PSKH1: variants seen among roughly 807,000 people sequenced by gnomAD.
PSKH1 encodes serine/threonine-protein kinase H1.
A neutral mutation model predicts 26.7 loss-of-function variants in PSKH1; 12 were observed. The ratio of observed to expected loss-of-function variants is 0.45; its 90% CI spans 0.29 to 0.73. The LOEUF (loss-of-function observed/expected upper bound fraction) is 0.73. Ranked by LOEUF, PSKH1 falls within the 30% of genes least tolerant of loss-of-function variation. PSKH1 has a pLI of 0.11. For synonymous variants in PSKH1, 213 were observed against 234.3 expected (o/e 0.91, Z 0.83); for missense variants, 431 against 595.2 (o/e 0.72, Z 2.87).
chr16:67,920,740 T>G (rs969189772), intron 2 of PSKH1, among the ~76,000 whole-genome samples: 4 of 152,228 alleles, frequency 2.6e-5, no homozygotes, highest in African/African-American at 9.6e-5. Context: ...AAGGTTACCC[T>G]TCTCCATCGT....
chr16:67,896,957 C>A (rs1210025241), intron 1 of PSKH1, among the ~76,000 whole-genome samples: 2 of 152,170 alleles, frequency 1.3e-5, no homozygotes, highest in Non-Finnish European at 2.9e-5. Context: ...ATCATAATCA[C>A]AAGTTCATAG....
At chr16:67,916,503 C>T (rs1469230678) in intron 2 of PSKH1, among the ~76,000 whole-genome samples, 1 of 152,154 alleles carries the variant, frequency 6.6e-6, no homozygotes, top group African/African-American at 2.4e-5. Flanking sequence ...TTGCTGAGTG[C>T]TCCAGAATAA....
At chr16:67,913,851 C>A (rs2058179753) in intron 2 of PSKH1, among the ~76,000 whole-genome samples, 1 of 152,130 alleles carries the variant, frequency 6.6e-6, no homozygotes, top group Non-Finnish European at 1.5e-5. Flanking sequence ...TAAGAACATG[C>A]TTTAGGAGCA....
At chr16:67,901,139 C>T (rs1383442160) in intron 1 of PSKH1, among the ~76,000 whole-genome samples, 1 of 150,768 alleles carries the variant, frequency 6.6e-6, no homozygotes, top group Non-Finnish European at 1.5e-5. Flanking sequence ...TTTTTTTTTT[C>T]CCCTCTCTTG....
At chr16:67,894,643 C>T (rs990511698) in intron 1 of PSKH1, among the ~76,000 whole-genome samples, 1 of 152,176 alleles carries the variant, frequency 6.6e-6, no homozygotes, top group South Asian at 2.1e-4. Context: ...TTGAGTACAT[C>T]CTGTTGTGTC....
At chr16:67,907,732 G>A (rs2058160637) in intron 1 of PSKH1, among the ~76,000 whole-genome samples, 1 of 152,168 alleles carries the variant, frequency 6.6e-6, no homozygotes, top group Non-Finnish European at 1.5e-5. Flanking sequence ...CTGGAATAGG[G>A]AGTTAAACTG....
intron 1 of PSKH1, among the ~76,000 whole-genome samples, chr16:67,895,722 GAGAAAACTT>G (rs2058124637): frequency 1.3e-5 from 2 of 152,080 alleles, no homozygotes; most frequent in Admixed American, 1.3e-4. Context: ...TCTGTATTTT[GAGAAAACTT>G]CCCAGGTAAC....
intron 1 of PSKH1, among the ~76,000 whole-genome samples, chr16:67,898,397 C>T (rs2058132432): frequency 6.6e-6 from 1 of 151,706 alleles, no homozygotes. Context: ...AGAGTGAGAC[C>T]CTGTCTCAAA....
intron 2 of PSKH1, among the ~76,000 whole-genome samples, chr16:67,920,554 C>T (rs1260824265): frequency 6.6e-6 from 1 of 152,200 alleles, no homozygotes; most frequent in Non-Finnish European, 1.5e-5. Context: ...CCACTGTGCC[C>T]AGCCCTGACC....
At position 67,927,829 on chromosome 16, in the gene PSKH1, CAG is replaced by C. The variant is rs1378313222; in HGVS notation, c.*190_*191del. On this transcript the variant is annotated 3_prime_UTR_variant, in exon 3 of 3. Coordinates refer to ENST00000291041, the MANE Select transcript of PSKH1 (RefSeq NM_006742.3). The surrounding 1 kb of genome is among the most constrained non-coding windows in gnomAD (Gnocchi z 5.5). ...CACCATGGGCCTGGGCCAGGTGTGACAGAGTAGAGGTAGCACAGGGGGCTGTG... is the reference window on the plus strand; with the variant it reads ...CACCATGGGCCTGGGCCAGGTGTGACAGTAGAGGTAGCACAGGGGGCTGTG... The C allele has an allele frequency of 1.4e-6, 1 of 708,780 alleles. No individual in the cohort carries two copies. The highest frequency in any genetic ancestry group is 2.7e-5 in the East Asian group (1 of 36,562). The allele number at this position is 708,780 out of a possible 1,614,324, so 43.9% of individuals were successfully genotyped here.
rs574007989 is a variant in PSKH1 at position 67,917,513 on chromosome 16, A to G, written c.957+7807A>G. Among the ~76,000 whole-genome samples the G allele has an allele frequency of 6.4e-4, 97 of 152,314 alleles. 1 individual carries two copies. The highest frequency in any genetic ancestry group is 2.3e-3 in the African/African-American group (96 of 41,560). ...ACAGTGGTACCTGTATGCTGGGTTG[A>G]ACTGCAGTATTTATAAGTGATAACT... On this transcript the variant is annotated intron_variant, in intron 2 of 2. Coordinates refer to ENST00000291041, the MANE Select transcript of PSKH1 (RefSeq NM_006742.3).
In PSKH1 at chr16:67,927,653, T is replaced by G. The variant is rs1291038722; in HGVS notation, c.*11T>G. The G allele has an allele frequency of 1.9e-6, 3 of 1,592,330 alleles. No homozygotes were observed. The highest frequency in any genetic ancestry group is 2.6e-6 in the Non-Finnish European group (3 of 1,173,604). ...CAATACAATGGCTGAGCCGCCTGGC[T>G]GTGCACACATGCAGCACGACCCAGC... On this transcript the variant is annotated 3_prime_UTR_variant, in exon 3 of 3. Transcript: ENST00000291041. The surrounding 1 kb of genome is among the most constrained non-coding windows in gnomAD (Gnocchi z 5.5).
At chr16:67,915,157 A>G (rs1394141620) in intron 2 of PSKH1, among the ~76,000 whole-genome samples, 2 of 152,040 alleles carry the variant, frequency 1.3e-5, no homozygotes, top group Non-Finnish European at 2.9e-5. Context: ...AGGACTCTGC[A>G]GCTCACAGTG....
Position 67,927,474 on chromosome 16 carries a change from C to T in PSKH1, c.1107C>T (p.Arg369=). The change falls in exon 3 of 3, where the codon CGC becomes CGT. Residue 369 remains arginine, a synonymous_variant. Coordinates refer to ENST00000291041, the MANE Select transcript of PSKH1 (RefSeq NM_006742.3). This position sits in a 1 kb window ranked among gnomAD's most constrained non-coding sequence, Gnocchi z 5.5. The stretch of plus-strand genomic sequence containing the variant: ...CTTCATCCATGAAGAACCTGCACCG[C>T]TCCATATCCCAGAACCTCCTTAAAC... The part of the protein sequence containing the change: ...AASSSMKNLH[R]SISQNLLKRA... 1 of 1,614,246 alleles carries T rather than the reference C, an allele frequency of 6.2e-7. No homozygotes were observed. Among genetic ancestry groups the T allele is most frequent in the East Asian group, 2.2e-5 (1 of 44,888 alleles).
rs2058168808 is a variant in PSKH1 at position 67,909,976 on chromosome 16, GA to G, written c.957+273del. ...GTGGGAAAAGTGAGGCAGGAAGGGA[GA>G]AAGTCAGTAGAGTATATTGAGAAAT... On this transcript the variant is annotated intron_variant, in intron 2 of 2. Coordinates refer to ENST00000291041, the MANE Select transcript of PSKH1 (RefSeq NM_006742.3). This position sits in a 1 kb window ranked among gnomAD's most constrained non-coding sequence, Gnocchi z 7.8. The G allele has an allele frequency of 1.8e-6, 1 of 560,802 alleles. No homozygotes were observed. The highest frequency in any genetic ancestry group is 3.2e-6 in the Non-Finnish European group (1 of 314,992). 34.7% of individuals were successfully genotyped at this position (560,802 alleles called of 1,614,324 possible). A position where few individuals can be genotyped will look rare whatever the true frequency, so the allele number is the denominator to read the frequency against.
intron 1 of PSKH1, among the ~76,000 whole-genome samples, chr16:67,901,408 T>G (rs1165786918): frequency 6.6e-6 from 1 of 152,148 alleles, no homozygotes; most frequent in African/African-American, 2.4e-5. Context: ...CTCAGCTCAC[T>G]GCAACCTCCG....
chr16:67,902,294 G>T (rs2058144147), intron 1 of PSKH1, among the ~76,000 whole-genome samples: 1 of 151,740 alleles, frequency 6.6e-6, no homozygotes, highest in Admixed American at 6.6e-5. Flanking sequence ...GAATCGAAAA[G>T]TTAGACCTTT....
At chr16:67,926,278 G>C (rs2058216087) in intron 2 of PSKH1, among the ~76,000 whole-genome samples, 1 of 152,202 alleles carries the variant, frequency 6.6e-6, no homozygotes, top group Non-Finnish European at 1.5e-5. Flanking sequence ...CTCCAGGAAA[G>C]GGCACCCATC....
At chr16:67,898,458 C>T (rs1164727503) in intron 1 of PSKH1, among the ~76,000 whole-genome samples, 1 of 151,612 alleles carries the variant, frequency 6.6e-6, no homozygotes, top group Non-Finnish European at 1.5e-5. Context: ...TGTTATGTTG[C>T]CCAGCCTGGT....
Sources: gnomAD v4.1 joint callset for allele counts (sites outside exome capture counted in the v4.1 genomes callset) on GRCh38, gnomAD v4.1.1 for gene constraint, Gnocchi (gnomAD v3.1) non-coding constraint, MANE v1.5 for transcripts, NCBI Gene and HGNC (gene_info 2026-07-23, HGNC 2026-07-21) for gene names.